The following PCDHA4 variants were observed in gnomAD, a reference collection of about 807,000 sequenced individuals.
PCDHA4 encodes protocadherin alpha-4.
A neutral mutation model predicts 61.4 loss-of-function variants in PCDHA4; 49 were observed. The observed-to-expected ratio is 0.80, with a 90% CI of 0.63 to 1.01. The LOEUF (loss-of-function observed/expected upper bound fraction) is 1.01. Ranked by LOEUF, PCDHA4 falls within the 50% of genes least tolerant of loss-of-function variation. The pLI is 0.00. For synonymous variants in PCDHA4, 590 were observed against 550.3 expected (o/e 1.07, Z -1.01); for missense variants, 1,254 against 1,235.8 (o/e 1.01, Z -0.22).
chr5:140,882,066 T>G (rs1198525083), intron 1 of PCDHA4: 1 of 845,446 alleles, frequency 1.2e-6, no homozygotes, highest in East Asian at 2.7e-5. Context: ...TACACGTTCA[T>G]GCGCATGGTG....
chr5:140,851,068 A>G lies in PCDHA4; in HGVS notation c.2385+41496A>G, dbSNP rs563336540. ...CGACTTTGTCTTGACTTCTAGTGAG[A>G]ATTATAAACTGTATATTAAATAGAT... On this transcript the variant is annotated intron_variant, in intron 1 of 3. Transcript: ENST00000530339. The G allele has an allele frequency of 1.3e-4, 170 of 1,354,166 alleles. 16 individuals carry two copies. Among genetic ancestry groups the G allele is most frequent in the Middle Eastern group, 2.2e-4 (1 of 4,590 alleles). 83.9% of individuals were successfully genotyped at this position (1,354,166 alleles called of 1,614,324 possible).
intron 1 of PCDHA4, among the ~76,000 whole-genome samples, chr5:140,897,323 T>TCCCTCCC (rs2065998893): frequency 1.7e-5 from 2 of 114,654 alleles, no homozygotes; most frequent in South Asian, 6.8e-4. Flanking sequence ...CCTAAAGCTA[T>TCCCTCCC]CCCTCCCCCC....
At chr5:140,999,947 G>A (rs993598998) in intron 3 of PCDHA4, among the ~76,000 whole-genome samples, 1 of 152,110 alleles carries the variant, frequency 6.6e-6, no homozygotes, top group Non-Finnish European at 1.5e-5. Flanking sequence ...CACCCAAAGA[G>A]GGTGAAATAC....
At chr5:140,860,133 G>GTA (rs1366023813) in intron 1 of PCDHA4, 4 of 149,192 alleles carry the variant, frequency 2.7e-5, no homozygotes, top group Non-Finnish European at 5.9e-5. Flanking sequence ...GTGTGTGTGT[G>GTA]TATATATATG....
At chr5:140,871,314 G>T in intron 1 of PCDHA4, 2 of 1,614,048 alleles carry the variant, frequency 1.2e-6, no homozygotes, top group Non-Finnish European at 1.7e-6. Flanking sequence ...GGAAGCCCAC[G>T]CTGGTGTGCT....
intron 1 of PCDHA4, among the ~76,000 whole-genome samples, chr5:140,840,809 C>T (rs1776884583): frequency 6.6e-6 from 1 of 151,832 alleles, no homozygotes; most frequent in Admixed American, 6.6e-5. Flanking sequence ...TAATATATAC[C>T]AGTGTTTCTG....
At chr5:140,887,249 A>AC (rs1367463344) in intron 1 of PCDHA4, among the ~76,000 whole-genome samples, 3 of 151,838 alleles carry the variant, frequency 2.0e-5, no homozygotes, top group Non-Finnish European at 4.4e-5. Context: ...GGCGCCCGCC[A>AC]CCACGCCCTG....
intron 1 of PCDHA4, chr5:140,813,054 C>T (rs1554126104): frequency 6.6e-6 from 1 of 152,090 alleles, no homozygotes; most frequent in Non-Finnish European, 1.5e-5. Context: ...GTTTTGTGAC[C>T]TGACGTGTGA....
chr5:140,824,628 T>TTTTTTTTTTG (rs1768286843), intron 1 of PCDHA4: 1 of 131,392 alleles, frequency 7.6e-6, no homozygotes, highest in African/African-American at 3.5e-5. Flanking sequence ...TTTTTTTTTT[T>TTTTTTTTTTG]TTTTATTTTC....
At chr5:140,859,867 T>C (rs1265494119) in intron 1 of PCDHA4, 1 of 152,016 alleles carries the variant, frequency 6.6e-6, no homozygotes, top group Non-Finnish European at 1.5e-5. Flanking sequence ...AATATATACT[T>C]CCCCCTCTGA....
intron 1 of PCDHA4, chr5:140,861,164 C>G (rs2046783856): frequency 6.4e-6 from 1 of 156,700 alleles, no homozygotes; most frequent in African/African-American, 2.4e-5. Flanking sequence ...CAAAAGGTCT[C>G]AGAGGAACTA....
chr5:141,002,497 CT>C (rs1310638544), intron 3 of PCDHA4, among the ~76,000 whole-genome samples: 1 of 152,204 alleles, frequency 6.6e-6, no homozygotes, highest in Non-Finnish European at 1.5e-5. Flanking sequence ...TGTTATACAG[CT>C]CAGGATCTGA....
intron 3 of PCDHA4, among the ~76,000 whole-genome samples, chr5:141,001,534 G>A (rs2098024616): frequency 6.6e-6 from 1 of 152,180 alleles, no homozygotes; most frequent in African/African-American, 2.4e-5. Flanking sequence ...CTCTGATCCT[G>A]GACAGGATTT....
chr5:140,928,555 A>G, intron 1 of PCDHA4: 1 of 1,614,240 alleles, frequency 6.2e-7, no homozygotes, highest in Non-Finnish European at 8.5e-7. Flanking sequence ...TTATCCGGTT[A>G]TCTTGTTTCC....
chr5:140,853,424 G>C lies in PCDHA4; in HGVS notation c.2385+43852G>C, dbSNP rs112620213. On this transcript the variant is annotated intron_variant, in intron 1 of 3. Transcript: ENST00000530339. ...AAAACAGAGAGGTGAAAGCAGAAGA[G>C]ACACTTTCCTATTTTGCCTAATAGG... 9 of 986,044 alleles carry C rather than the reference G, an allele frequency of 9.1e-6. 1 individual carries two copies. In the African/African-American group the frequency reaches 1.4e-4, roughly 15 times the overall value. 61.1% of individuals were successfully genotyped at this position (986,044 alleles called of 1,614,324 possible).
intron 1 of PCDHA4, chr5:140,870,128 C>T: frequency 6.2e-7 from 1 of 1,613,948 alleles, no homozygotes; most frequent in Non-Finnish European, 8.5e-7. Flanking sequence ...ATCTTGGACA[C>T]CAACGATAAC....
chr5:140,809,721 A>G, intron 1 of PCDHA4, 149 bp downstream of exon 1: 1 of 851,958 alleles, frequency 1.2e-6, no homozygotes, highest in East Asian at 2.6e-5. Flanking sequence ...TTGGAATTAT[A>G]GGACATCAGA....
At chr5:140,870,388 G>A (rs1487402100) in intron 1 of PCDHA4, 5 of 1,614,232 alleles carry the variant, frequency 3.1e-6, no homozygotes, top group Non-Finnish European at 4.2e-6. Context: ...TGCGCGGGAT[G>A]GGGGTTCGCC....
chr5:140,843,802 G>A (rs2150366922), intron 1 of PCDHA4: 2 of 1,291,294 alleles, frequency 1.5e-6, no homozygotes, highest in South Asian at 1.4e-5. Flanking sequence ...GTTTTTCACC[G>A]TATTTTATAG....
Sources: allele counts gnomAD v4.1 joint callset (sites outside exome capture counted in the v4.1 genomes callset), GRCh38; gene constraint gnomAD v4.1.1; transcripts MANE v1.5; gene names NCBI Gene and HGNC (gene_info 2026-07-23, HGNC 2026-07-21).